NWD1: variants seen among roughly 807,000 people sequenced by gnomAD.
NWD1 encodes NACHT and WD repeat domain containing 1, also known as NACHT domain- and WD repeat-containing protein 1.
Under a neutral mutation model 135.1 loss-of-function variants are expected in NWD1, and 129 were observed. The observed-to-expected ratio is 0.96, with a 90% confidence interval of 0.83 to 1.11. The LOEUF (loss-of-function observed/expected upper bound fraction) is 1.11, where lower values mean the gene tolerates loss of function less well. Ranked by LOEUF, NWD1 falls within the 50% of genes least tolerant of loss-of-function variation. The pLI is 0.00. For missense variants in NWD1, 1,740 were observed against 1,851.3 expected (o/e 0.94, Z 1.10); for synonymous variants, 773 against 786.0 (o/e 0.98, Z 0.28).
At chr19:16,794,654 GT>G in intron 15 of NWD1, 101 bp downstream of exon 15, 1 of 801,086 alleles carries the variant, frequency 1.2e-6, no homozygotes, top group Non-Finnish European at 2.1e-6. Context: ...AGGGCCAGAG[GT>G]TAGCAACGTT....
Position 16,807,961 on chromosome 19 carries a change from T to C in NWD1, c.4112T>C (p.Leu1371Pro). The C allele has an allele frequency of 1.2e-6, 2 of 1,614,138 alleles. No individual in the cohort carries two copies. Among genetic ancestry groups the C allele is most frequent in the Non-Finnish European group, 1.7e-6 (2 of 1,180,030 alleles). The change falls in exon 18 of 19, where the codon CTC becomes CCC. Residue 1371 changes from leucine (L) to proline (P), a missense_variant. By Grantham distance (98) the Leu-to-Pro change is moderately conservative. Transcript: ENST00000524140. ...GTCTACAGCATGACCAATGGGGACC[T>C]CTTTCTTTACGAGTGTGCAACTTCC... ...RVVYSMTNGD[L>P]FLYECATSKA...
chr19:16,771,460 A>C (rs1467692556), intron 10 of NWD1, among the ~76,000 whole-genome samples: 1 of 152,166 alleles, frequency 6.6e-6, no homozygotes. Flanking sequence ...AAAATACACA[A>C]ATAAATAAAG....
At chr19:16,757,918 G>C (rs550673859) in intron 6 of NWD1, among the ~76,000 whole-genome samples, 13 of 152,244 alleles carry the variant, frequency 8.5e-5, no homozygotes, top group Admixed American at 4.6e-4. Context: ...CGGGCGTGGT[G>C]GTGCACACCT....
At chr19:16,802,673 T>C (rs1340844426) in intron 17 of NWD1, among the ~76,000 whole-genome samples, 11 of 151,950 alleles carry the variant, frequency 7.2e-5, no homozygotes, top group Admixed American at 7.2e-4. Flanking sequence ...TAATTATGCA[T>C]TACTGTATTA....
At position 16,791,440 on chromosome 19, in the gene NWD1, T is replaced by C; in HGVS notation, c.3031T>C (p.Ser1011Pro). ...DPWMCMAVLASQATLLTVSRD... is the reference protein window; with the variant it reads ...DPWMCMAVLAPQATLLTVSRD... ...TTGGATGTGCATGGCCGTGCTGGCC[T>C]CCCAGGCCACACTGCTGACAGTGTC... is the stretch of plus-strand genomic sequence containing the variant. Residue 1011 changes from serine (S) to proline (P), a missense_variant, in exon 14 of 19, where the codon TCC (serine) becomes CCC (proline). Transcript: ENST00000524140. 1.2e-6 allele frequency: 2 copies of C among 1,614,148 alleles called. No homozygotes were observed. Among genetic ancestry groups the C allele is most frequent in the South Asian group, 1.1e-5 (1 of 91,084 alleles).
At chr19:16,745,832 G>A (rs112057770) in intron 5 of NWD1, among the ~76,000 whole-genome samples, 134 of 152,246 alleles carry the variant, frequency 8.8e-4, no homozygotes, top group Middle Eastern at 3.4e-3. Context: ...TGAGAGGATC[G>A]CTGGAGCCCG....
chr19:16,742,472 C>T (rs560376042), intron 4 of NWD1, among the ~76,000 whole-genome samples: 38 of 152,090 alleles, frequency 2.5e-4, no homozygotes, highest in East Asian at 1.9e-4. Context: ...TCCCTTTCTC[C>T]GTGGTCAGCC....
chr19:16,755,815 G>A (rs1422070499), intron 6 of NWD1, among the ~76,000 whole-genome samples: 3 of 152,070 alleles, frequency 2.0e-5, no homozygotes, highest in African/African-American at 7.2e-5. Flanking sequence ...TGGGATTACA[G>A]GCGTGAGCCA....
intron 3 of NWD1, among the ~76,000 whole-genome samples, chr19:16,733,974 AT>A (rs1967685015): frequency 6.6e-6 from 1 of 151,792 alleles, no homozygotes; most frequent in African/African-American, 2.4e-5. Flanking sequence ...GTGCTAAAGA[AT>A]TCAGGGAGGC....
chr19:16,799,156 T>G (rs1970516846), intron 16 of NWD1, among the ~76,000 whole-genome samples: 1 of 152,028 alleles, frequency 6.6e-6, no homozygotes, highest in African/African-American at 2.4e-5. Flanking sequence ...TCACCTTAGG[T>G]TTATGAATGG....
intron 4 of NWD1, among the ~76,000 whole-genome samples, chr19:16,738,601 A>G (rs942453790): frequency 6.8e-6 from 1 of 148,054 alleles, no homozygotes; most frequent in Non-Finnish European, 1.5e-5. Context: ...GGTGAGGGCC[A>G]GAGAGATATT....
chr19:16,789,719 T>C (rs1353624339), intron 13 of NWD1, among the ~76,000 whole-genome samples: 97 of 146,498 alleles, frequency 6.6e-4, no homozygotes, highest in African/African-American at 2.3e-3. Flanking sequence ...TCTCTCTCTT[T>C]TTTTTTTTTT....
intron 6 of NWD1, among the ~76,000 whole-genome samples, chr19:16,758,838 T>C (rs1363174815): frequency 6.6e-6 from 1 of 151,828 alleles, no homozygotes; most frequent in East Asian, 2.0e-4. Flanking sequence ...TGAAACCCCG[T>C]CTCTACTAAA....
Position 16,817,127 on chromosome 19 carries a change from C to T in NWD1, c.*2088C>T, listed in dbSNP as rs559628939. The T allele has an allele frequency of 6.6e-6, 1 of 151,840 alleles. No homozygotes were observed. Among genetic ancestry groups the T allele is most frequent in the African/African-American group, 2.4e-5 (1 of 41,372 alleles). The allele number at this position is 151,840 out of a possible 1,614,324, so 9.4% of individuals were successfully genotyped here. A position where few individuals can be genotyped will look rare whatever the true frequency, so the allele number is the denominator to read the frequency against. On this transcript the variant is annotated 3_prime_UTR_variant, in exon 19 of 19. Transcript: ENST00000524140. ...ACCAGCCTGGACAACATGGTGAAAC[C>T]CTTCTCTACTAAAAATACAAAAATC...
intron 10 of NWD1, among the ~76,000 whole-genome samples, chr19:16,768,111 C>T (rs1244184111): frequency 6.6e-6 from 1 of 150,614 alleles, no homozygotes; most frequent in African/African-American, 2.4e-5. Context: ...TGTCCTGCCT[C>T]AGCCTCCAGA....
Position 16,749,517 on chromosome 19 carries a change from C to A in NWD1, c.875C>A (p.Ala292Glu). The stretch of plus-strand genomic sequence containing the variant: ...CTGGATACGGCCGGACAGGAGTTGG[C>A]GTGGCTCTACCAAGAGATCCGCCAC... ...RELDTAGQEL[A>E]WLYQEIRHHL... Residue 292 changes from alanine to glutamate, a missense_variant, in exon 6 of 19, where the codon GCG (alanine) becomes GAG (glutamate). Physicochemically the swap from Ala to Glu is moderately radical, Grantham distance 107. Transcript: ENST00000524140. 1 of 1,610,694 alleles carries A rather than the reference C, an allele frequency of 6.2e-7. No homozygotes were observed. The highest frequency in any genetic ancestry group is 8.5e-7 in the Non-Finnish European group (1 of 1,177,244).
At chr19:16,775,046 ACT>A (rs1969551186) in intron 11 of NWD1, among the ~76,000 whole-genome samples, 1 of 152,028 alleles carries the variant, frequency 6.6e-6, no homozygotes, top group Non-Finnish European at 1.5e-5. Context: ...AATCTCTCAC[ACT>A]GATTGTGAGA....
intron 13 of NWD1, 99 bp downstream of exon 13, chr19:16,789,289 T>G: frequency 2.2e-6 from 2 of 908,468 alleles, no homozygotes; most frequent in Non-Finnish European, 3.5e-6. Flanking sequence ...GATACAGTGA[T>G]GGGGTGGGGG....
Position 16,759,274 on chromosome 19 carries a change from G to C in NWD1, c.1819G>C (p.Glu607Gln), listed in dbSNP as rs1205565152. The change falls in exon 7 of 19, where the codon GAG becomes CAG. Residue 607 changes from glutamate to glutamine, a missense_variant. Coordinates refer to ENST00000524140, the MANE Select transcript of NWD1 (RefSeq NM_001007525.5). ...ELKDVLSLDD[E>Q]VLQDVYRDWT... ...GAAGGATGTTTTGTCCCTGGACGAC[G>C]AGGTCCTGCAGGATGTGTACCGAGA... The C allele has an allele frequency of 6.2e-7, 1 of 1,614,192 alleles. No homozygotes were observed. The highest frequency in any genetic ancestry group is 1.3e-5 in the African/African-American group (1 of 75,048).
Sources: allele counts gnomAD v4.1 joint callset (sites outside exome capture counted in the v4.1 genomes callset), GRCh38; gene constraint gnomAD v4.1.1; transcripts MANE v1.5; gene names NCBI Gene and HGNC (gene_info 2026-07-23, HGNC 2026-07-21).